The following DYSF variants were observed in gnomAD, a reference collection of about 807,000 sequenced individuals.
DYSF encodes dystrophy-associated fer-1-like 1.
A neutral mutation model predicts 274.9 loss-of-function variants in DYSF; 212 were observed. The ratio of observed to expected loss-of-function variants is 0.77; its 90% CI spans 0.69 to 0.86. DYSF has a LOEUF of 0.86. Ranked by LOEUF, DYSF falls within the 40% of genes least tolerant of loss-of-function variation. The pLI is 0.00. For missense variants in DYSF, 2,666 were observed against 2,783.2 expected (o/e 0.96, Z 0.95); for synonymous variants, 1,091 against 1,078.7 (o/e 1.01, Z -0.22).
chr2:71,557,408 G>T (rs2091413067), intron 22 of DYSF, among the ~76,000 whole-genome samples: 1 of 152,198 alleles, frequency 6.6e-6, no homozygotes, highest in Non-Finnish European at 1.5e-5. Context: ...GGGGGAAGTG[G>T]CAGGAGAGGC....
Position 71,613,389 on chromosome 2 carries a change from G to C in DYSF, c.4443G>C (p.Lys1481Asn). The C allele has an allele frequency of 6.2e-7, 1 of 1,613,414 alleles. No individual in the cohort carries two copies. Among genetic ancestry groups the C allele is most frequent in the Non-Finnish European group, 8.5e-7 (1 of 1,179,754 alleles). ...ACGTGCTCATCGACATTGATGACAA[G>C]GAGCCCCTCATCCCCATCCAGGTAG... Reference protein sequence around the residue: ...GEDVLIDIDDKEPLIPIQLAD... With the variant: ...GEDVLIDIDDNEPLIPIQLAD... Residue 1481 changes from lysine (K) to asparagine (N), a missense_variant, in exon 40 of 56, where the codon AAG becomes AAC. Lys to Asn is a moderately conservative substitution (Grantham distance 94). Coordinates refer to ENST00000410020, the MANE Select transcript of DYSF (RefSeq NM_001130987.2).
intron 45 of DYSF, among the ~76,000 whole-genome samples, chr2:71,661,155 T>A (rs1573024590): frequency 6.9e-6 from 1 of 144,582 alleles, no homozygotes; most frequent in Admixed American, 6.9e-5. Flanking sequence ...AAAGTAGAAA[T>A]CTGTGTGTAA....
At position 71,515,848 on chromosome 2, in the gene DYSF, T is replaced by C. The variant is rs13428194; in HGVS notation, c.888+97T>C. The C allele has an allele frequency of 0.13, 203,244 of 1,550,782 alleles. 13,962 individuals are homozygous for C. Among genetic ancestry groups the C allele is most frequent in the Non-Finnish European group, 0.14 (158,860 of 1,140,098 alleles). On this transcript the variant is annotated intron_variant, in intron 8 of 55. Transcript: ENST00000410020. ...GGCAATTCATTCAAGAGTGTTTACG[T>C]ATGGCGCTGACCTTGGGTGGTGAGA...
At chr2:71,498,518 G>A (rs1409578342) in intron 3 of DYSF, among the ~76,000 whole-genome samples, 1 of 152,208 alleles carries the variant, frequency 6.6e-6, no homozygotes, top group Non-Finnish European at 1.5e-5. Context: ...CCAATCTTAG[G>A]TTCTACAATA....
intron 3 of DYSF, among the ~76,000 whole-genome samples, chr2:71,500,983 T>C (rs1472931051): frequency 2.0e-5 from 3 of 152,130 alleles, no homozygotes; most frequent in African/African-American, 4.8e-5. Context: ...CTATACCTAC[T>C]GTCTGGTCTT....
intron 19 of DYSF, among the ~76,000 whole-genome samples, chr2:71,552,559 G>A (rs1471375453): frequency 6.6e-6 from 1 of 152,226 alleles, no homozygotes; most frequent in Non-Finnish European, 1.5e-5. Flanking sequence ...GACAGTGGCA[G>A]CCCGTGTATC....
chr2:71,535,024 T>C lies in DYSF; in HGVS notation c.1384T>C (p.Cys462Arg). ...GTCCCCTCCCTGTGTCTTCTAGCTG[T>C]GCAGCAAGATCTTGGAGAAGACGGC... The part of the protein sequence containing the change: ...VEVSFAGKML[C>R]SKILEKTANP... The change falls in exon 15 of 56, where the codon TGC becomes CGC. Residue 462 changes from cysteine to arginine, a missense_variant. By Grantham distance (180) the Cys-to-Arg change is radical. Around this residue, in one of 3 missense-constraint regions of DYSF, gnomAD observed 794 missense variants for 777.1 expected, o/e 1.02. Coordinates refer to ENST00000410020, the MANE Select transcript of DYSF (RefSeq NM_001130987.2). The C allele has an allele frequency of 6.2e-7, 1 of 1,614,192 alleles. No homozygotes were observed. The highest frequency in any genetic ancestry group is 1.1e-5 in the South Asian group (1 of 91,090).
At chr2:71,560,862 AGGT>A (rs2091702782) in intron 22 of DYSF, among the ~76,000 whole-genome samples, 1 of 151,622 alleles carries the variant, frequency 6.6e-6, no homozygotes, top group African/African-American at 2.4e-5. Flanking sequence ...CAAGGGGGTG[AGGT>A]GGGGGCAGGG....
intron 42 of DYSF, among the ~76,000 whole-genome samples, chr2:71,654,599 A>G (rs2094732292): frequency 6.6e-6 from 1 of 152,164 alleles, no homozygotes; most frequent in African/African-American, 2.4e-5. Context: ...CCTAGGCAAC[A>G]TAGCGAGACT....
chr2:71,494,504 G>A (rs778344317), intron 3 of DYSF, among the ~76,000 whole-genome samples: 13 of 152,234 alleles, frequency 8.5e-5, no homozygotes, highest in Admixed American at 5.2e-4. Flanking sequence ...ATCCATGGAT[G>A]ATCCTTGCCT....
At chr2:71,677,080 C>G (rs1279406178) in intron 52 of DYSF, among the ~76,000 whole-genome samples, 2 of 151,998 alleles carry the variant, frequency 1.3e-5, no homozygotes, top group Admixed American at 1.3e-4. Flanking sequence ...TGCCGATATA[C>G]AGTTGAATAA....
chr2:71,576,746 G>A (rs1415345327), intron 30 of DYSF, among the ~76,000 whole-genome samples: 2 of 152,214 alleles, frequency 1.3e-5, no homozygotes, highest in Non-Finnish European at 2.9e-5. Context: ...TGGACAAAGC[G>A]TGGATGGACC....
intron 17 of DYSF, among the ~76,000 whole-genome samples, chr2:71,548,757 G>A (rs890533216): frequency 6.6e-6 from 1 of 152,336 alleles, no homozygotes; most frequent in Admixed American, 6.5e-5. Flanking sequence ...TCAGAAGCCA[G>A]ATGCCAGTGC....
chr2:71,677,817 G>C (rs1371986399), intron 52 of DYSF, among the ~76,000 whole-genome samples: 1 of 152,192 alleles, frequency 6.6e-6, no homozygotes, highest in Admixed American at 6.5e-5. Flanking sequence ...AATTGCTAAT[G>C]AACAAAGAAT....
chr2:71,661,760 G>A (rs1217733054), intron 45 of DYSF, among the ~76,000 whole-genome samples: 1 of 152,202 alleles, frequency 6.6e-6, no homozygotes, highest in Non-Finnish European at 1.5e-5. Flanking sequence ...GTCACATATT[G>A]CACTTATAAA....
chr2:71,496,700 G>C (rs1360796201), intron 3 of DYSF, among the ~76,000 whole-genome samples: 1 of 152,048 alleles, frequency 6.6e-6, no homozygotes, highest in Non-Finnish European at 1.5e-5. Flanking sequence ...AAGGCCTGCT[G>C]GTAAGTGAGG....
rs527301938 is a variant in DYSF at position 71,589,790 on chromosome 2, A to G, written c.3496+104A>G. 6.0e-5 allele frequency: 71 copies of G among 1,177,064 alleles called. No individual in the cohort carries two copies. The African/African-American group carries it at 1.0e-3, about 17-fold the overall frequency. 72.9% of individuals were successfully genotyped at this position (1,177,064 alleles called of 1,614,324 possible). A position where few individuals can be genotyped will look rare whatever the true frequency, so the allele number is the denominator to read the frequency against. On this transcript the variant is annotated intron_variant, in intron 31 of 55. Coordinates refer to ENST00000410020, the MANE Select transcript of DYSF (RefSeq NM_001130987.2). ...CAGATGTGTATGTGGGGCTCTGGGG[A>G]GCTGAGTCTCTGTGCTTTTTGGTGG...
intron 30 of DYSF, among the ~76,000 whole-genome samples, chr2:71,578,080 G>A (rs2092772036): frequency 6.6e-6 from 1 of 152,222 alleles, no homozygotes; most frequent in South Asian, 2.1e-4. Flanking sequence ...GATGCATGTA[G>A]TGAAGCACTT....
At chr2:71,639,596 A>G (rs530113682) in intron 41 of DYSF, among the ~76,000 whole-genome samples, 1 of 152,174 alleles carries the variant, frequency 6.6e-6, no homozygotes, top group Non-Finnish European at 1.5e-5. Context: ...GTAATGTTTA[A>G]TCATATGGAG....
Sources: allele counts gnomAD v4.1 joint callset (sites outside exome capture counted in the v4.1 genomes callset), GRCh38; gene constraint gnomAD v4.1.1; regional missense constraint gnomAD v4.1.1; transcripts MANE v1.5; gene names NCBI Gene and HGNC (gene_info 2026-07-23, HGNC 2026-07-21).